The following NRXN3 variants were observed in gnomAD, a reference collection of about 807,000 sequenced individuals.
NRXN3 encodes the protein neurexin 3.
Under a neutral mutation model 137.6 loss-of-function variants are expected in NRXN3, and 32 were observed. The ratio of observed to expected loss-of-function variants is 0.23; its 90% CI spans 0.18 to 0.31. The LOEUF (loss-of-function observed/expected upper bound fraction) is 0.31, where lower values mean the gene tolerates loss of function less well. NRXN3 is among the 10% of genes least tolerant of loss of function. The pLI is 1.00. For synonymous variants in NRXN3, 798 were observed against 784.5 expected, an observed-to-expected ratio of 1.02 and a Z score of -0.29; for missense variants, 1,574 against 2,062.5, an observed-to-expected ratio of 0.76 and a Z score of 4.59.
intron 16 of NRXN3, among the ~76,000 whole-genome samples, chr14:79,501,023 C>T (rs2096821293): frequency 6.6e-6 from 1 of 152,044 alleles, no homozygotes; most frequent in Non-Finnish European, 1.5e-5. Context: ...GATCATTAGA[C>T]CAACTGTGGC....
chr14:79,850,382 C>A (rs2099389157), intron 20 of NRXN3, among the ~76,000 whole-genome samples: 1 of 152,104 alleles, frequency 6.6e-6, no homozygotes, highest in Non-Finnish European at 1.5e-5. Context: ...TGCTTTCTAG[C>A]AAGGAGGACC....
At chr14:79,119,051 C>T (rs998941735) in intron 15 of NRXN3, among the ~76,000 whole-genome samples, 1 of 152,014 alleles carries the variant, frequency 6.6e-6, no homozygotes, top group African/African-American at 2.4e-5. Context: ...CTTTTAAAAC[C>T]CAAATTTTGT....
intron 10 of NRXN3, among the ~76,000 whole-genome samples, chr14:78,830,532 A>T (rs780687622): frequency 6.6e-6 from 1 of 152,114 alleles, no homozygotes; most frequent in African/African-American, 2.4e-5. Flanking sequence ...TCGTCTTAGC[A>T]CAAGATATTA....
At chr14:79,246,191 A>T (rs565380304) in intron 15 of NRXN3, among the ~76,000 whole-genome samples, 1 of 152,162 alleles carries the variant, frequency 6.6e-6, no homozygotes, top group Non-Finnish European at 1.5e-5. Flanking sequence ...AAAATAACCA[A>T]CTTTGCAAAG....
chr14:79,481,617 A>G (rs189948792), intron 16 of NRXN3, among the ~76,000 whole-genome samples: 4 of 152,364 alleles, frequency 2.6e-5, no homozygotes, highest in Admixed American at 2.0e-4. Context: ...ATGGGAATGT[A>G]ACAACCCAGT....
At chr14:78,875,280 A>G (rs1351141208) in intron 10 of NRXN3, among the ~76,000 whole-genome samples, 2 of 152,240 alleles carry the variant, frequency 1.3e-5, no homozygotes, top group Non-Finnish European at 2.9e-5. Context: ...AAACTTGCTA[A>G]TTAGTCTGGA....
At chr14:79,710,520 C>G (rs929914364) in intron 19 of NRXN3, among the ~76,000 whole-genome samples, 4 of 152,118 alleles carry the variant, frequency 2.6e-5, no homozygotes, top group African/African-American at 9.7e-5. Context: ...AATAAGAGTG[C>G]TATTGTAACA....
chr14:78,470,217 G>A (rs2095232628), intron 4 of NRXN3, among the ~76,000 whole-genome samples: 1 of 152,314 alleles, frequency 6.6e-6, no homozygotes, highest in Middle Eastern at 3.4e-3. Flanking sequence ...TGGGTTCAGG[G>A]TTTCTTCAGA....
chr14:79,847,119 A>G (rs2141617640), intron 20 of NRXN3, among the ~76,000 whole-genome samples: 1 of 152,330 alleles, frequency 6.6e-6, no homozygotes, highest in African/African-American at 2.4e-5. Flanking sequence ...ATCCCAGACA[A>G]TTACAACTGA....
rs575735523 is a variant in NRXN3 at position 78,243,687 on chromosome 14, C to T, written c.594C>T (p.Ala198=). 164 of 1,598,340 alleles carry T rather than the reference C, an allele frequency of 1.0e-4. 1 individual carries two copies. The highest frequency in any genetic ancestry group is 5.5e-4 in the South Asian group (50 of 91,072). Residue 198 remains alanine (A), a synonymous_variant, in exon 2 of 21, where the codon GCC becomes GCT. Coordinates refer to ENST00000335750, the MANE Select transcript of NRXN3 (RefSeq NM_001330195.2). This position sits in a 1 kb window ranked among gnomAD's most constrained non-coding sequence, Gnocchi z 4.2. ...LLGSRGVQMD[A]EGPCGERPCE... ...GGAGCCGGGGTGTCCAGATGGATGCCGAGGGACCCTGTGGTGAGCGTCCCT... is the reference window on the plus strand; with the variant it reads ...GGAGCCGGGGTGTCCAGATGGATGCTGAGGGACCCTGTGGTGAGCGTCCCT...
At chr14:79,334,097 T>A (rs113559203) in intron 15 of NRXN3, among the ~76,000 whole-genome samples, 1 of 152,200 alleles carries the variant, frequency 6.6e-6, no homozygotes, top group Non-Finnish European at 1.5e-5. Context: ...GCCTACTATG[T>A]CCTAGGCACT....
chr14:78,974,552 A>G (rs916768445), intron 14 of NRXN3, among the ~76,000 whole-genome samples: 2 of 152,232 alleles, frequency 1.3e-5, no homozygotes, highest in Admixed American at 1.3e-4. Flanking sequence ...GTGGTTTGGA[A>G]TATATTGATG....
rs73322237 is a variant in NRXN3, at chr14:78,200,563, A to G, written c.-704+29889A>G. Among the ~76,000 whole-genome samples, 1,501 of 152,328 alleles carry G rather than the reference A, an allele frequency of 9.9e-3. 22 individuals are homozygous for G. Among genetic ancestry groups the G allele is most frequent in the African/African-American group, 0.032 (1,341 of 41,558 alleles). On this transcript the variant is annotated intron_variant, in intron 1 of 20. Transcript: ENST00000335750. ...AGCCTTTCAGGTGATTCTGATGCAC[A>G]TGGTTGAAAACCATAGCTGTAGAGT...
intron 15 of NRXN3, among the ~76,000 whole-genome samples, chr14:79,388,765 G>C (rs2094735541): frequency 6.6e-6 from 1 of 152,120 alleles, no homozygotes; most frequent in African/African-American, 2.4e-5. Context: ...GTTTGCCTGG[G>C]TCCCCACTCC....
rs1438193733 is a variant in NRXN3 at position 79,642,340 on chromosome 14, C to T, written c.3445-21438C>T. 3.0e-5 allele frequency among the ~76,000 whole-genome samples: 4 copies of T among 135,576 alleles called. 2 individuals carry two copies. Among genetic ancestry groups the T allele is most frequent in the Non-Finnish European group, 6.9e-5 (4 of 58,344 alleles). 88.9% of individuals were successfully genotyped at this position (135,576 alleles called of 152,430 possible). The stretch of plus-strand genomic sequence containing the variant: ...CTTCTGAAATCCCATTTTGACCAAG[C>T]CATCCAAATTATACACTTAGACTGT... On this transcript the variant is annotated intron_variant, in intron 16 of 20. Transcript: ENST00000335750.
chr14:79,621,531 A>G (rs138568348), intron 16 of NRXN3, among the ~76,000 whole-genome samples: 1 of 152,334 alleles, frequency 6.6e-6, no homozygotes, highest in Non-Finnish European at 1.5e-5. Flanking sequence ...AAGCCAGTTT[A>G]TAGACTCTTG....
intron 1 of NRXN3, among the ~76,000 whole-genome samples, chr14:78,180,132 G>A (rs2059684458): frequency 6.6e-6 from 1 of 152,188 alleles, no homozygotes; most frequent in Non-Finnish European, 1.5e-5. Flanking sequence ...ATAGGCATGA[G>A]CCACTGCACC....
intron 20 of NRXN3, among the ~76,000 whole-genome samples, chr14:79,850,979 T>A (rs1273578818): frequency 2.0e-5 from 3 of 152,236 alleles, no homozygotes; most frequent in African/African-American, 7.2e-5. Context: ...AATTTTCGTA[T>A]ATTCAATTGT....
intron 16 of NRXN3, among the ~76,000 whole-genome samples, chr14:79,609,920 G>A (rs924894095): frequency 3.9e-5 from 6 of 151,972 alleles, no homozygotes; most frequent in Admixed American, 3.9e-4. Flanking sequence ...GACACAGAGA[G>A]GGGAACATCA....
Sources: gnomAD v4.1 joint callset for allele counts (sites outside exome capture counted in the v4.1 genomes callset) on GRCh38, gnomAD v4.1.1 for gene constraint, Gnocchi (gnomAD v3.1) non-coding constraint, MANE v1.5 for transcripts, NCBI Gene and HGNC (gene_info 2026-07-23, HGNC 2026-07-21) for gene names.